ADAMTS17: variants seen among roughly 807,000 people sequenced by gnomAD.
ADAMTS17 encodes A disintegrin and metalloproteinase with thrombospondin motifs 17.
ADAMTS17 carries 113 observed loss-of-function variants against 141.5 expected under a neutral mutation model. The ratio of observed to expected loss-of-function variants is 0.80; its 90% CI spans 0.69 to 0.93. The LOEUF is 0.93. Ranked by LOEUF, ADAMTS17 falls within the 40% of genes least tolerant of loss-of-function variation. The pLI is 0.00. For synonymous variants in ADAMTS17, 768 were observed against 630.6 expected, an observed-to-expected ratio of 1.22 and a Z score of -3.27; for missense variants, 1,659 against 1,517.9, an observed-to-expected ratio of 1.09 and a Z score of -1.54.
chr15:100,269,841 C>T (rs2043843572), intron 4 of ADAMTS17, among the ~76,000 whole-genome samples: 1 of 152,174 alleles, frequency 6.6e-6, no homozygotes, highest in African/African-American at 2.4e-5. Context: ...GAGACTCGGT[C>T]TTCATTTTGA....
intron 4 of ADAMTS17, among the ~76,000 whole-genome samples, chr15:100,268,666 T>G (rs946786895): frequency 4.6e-5 from 7 of 152,220 alleles, no homozygotes; most frequent in African/African-American, 1.7e-4. Context: ...AAATTCCTTA[T>G]AGATTCTGGA....
intron 16 of ADAMTS17, among the ~76,000 whole-genome samples, chr15:100,052,510 C>G (rs1004721422): frequency 6.6e-6 from 1 of 152,218 alleles, no homozygotes; most frequent in African/African-American, 2.4e-5. Context: ...CTGGGGACTT[C>G]ACTTTAACGG....
chr15:100,286,232 A>G (rs185161554), intron 3 of ADAMTS17, among the ~76,000 whole-genome samples: 119 of 152,310 alleles, frequency 7.8e-4, no homozygotes, highest in African/African-American at 2.6e-3. Context: ...CAAAACGTGA[A>G]TGTGCATGTG....
intron 18 of ADAMTS17, among the ~76,000 whole-genome samples, chr15:100,020,138 G>C (rs967219968): frequency 1.3e-5 from 2 of 152,202 alleles, no homozygotes; most frequent in African/African-American, 2.4e-5. Flanking sequence ...ATTAACACCA[G>C]TGGGAGGCCC....
intron 18 of ADAMTS17, among the ~76,000 whole-genome samples, chr15:100,037,849 A>C (rs1406843820): frequency 6.6e-6 from 1 of 152,038 alleles, no homozygotes. Flanking sequence ...ATCTCAATCT[A>C]GATTCACTGC....
At chr15:100,294,967 CT>C (rs756512695) in intron 3 of ADAMTS17, among the ~76,000 whole-genome samples, 2 of 152,196 alleles carry the variant, frequency 1.3e-5, no homozygotes, top group Non-Finnish European at 2.9e-5. Flanking sequence ...AACAACTGGG[CT>C]TTCTGTGTAT....
chr15:100,132,046 G>C lies in ADAMTS17; in HGVS notation c.1682C>G (p.Thr561Arg), dbSNP rs140998386. Residue 561 changes from threonine to arginine, a missense_variant, in exon 12 of 22, where the codon ACG becomes AGG. Physicochemically the swap from Thr to Arg is moderately conservative, Grantham distance 71. Transcript: ENST00000268070. ...AWSMCSRTCG[T>R]GARFRQRKCD... ...TTTCCTCTGCCTGAAGCGGGCTCCC[G>C]TCCCACATGTTCGGCTGCACATGCT... is the stretch of plus-strand genomic sequence containing the variant. 5.6e-6 allele frequency: 9 copies of C among 1,613,816 alleles called. No homozygotes were observed. The highest frequency in any genetic ancestry group is 7.6e-6 in the Non-Finnish European group (9 of 1,179,826).
intron 7 of ADAMTS17, among the ~76,000 whole-genome samples, chr15:100,235,819 C>CA (rs1448645776): frequency 6.6e-6 from 1 of 152,200 alleles, no homozygotes; most frequent in Non-Finnish European, 1.5e-5. Flanking sequence ...CCCTTTACCT[C>CA]ATTCTATTAC....
intron 12 of ADAMTS17, among the ~76,000 whole-genome samples, chr15:100,118,228 T>C (rs2037262572): frequency 6.6e-6 from 1 of 152,216 alleles, no homozygotes; most frequent in African/African-American, 2.4e-5. Flanking sequence ...AGATAACATG[T>C]AAAAGAACAG....
chr15:99,974,722 T>TG (rs2060285579), intron 21 of ADAMTS17, among the ~76,000 whole-genome samples, 160 bp from the exon 22 acceptor site: 1 of 152,230 alleles, frequency 6.6e-6, no homozygotes, highest in Non-Finnish European at 1.5e-5. Flanking sequence ...GCCAGGGCAC[T>TG]GGGGGTGCCA....
chr15:100,269,302 T>C (rs4965300), intron 4 of ADAMTS17, among the ~76,000 whole-genome samples: 101,719 of 152,056 alleles, frequency 0.67, 34,491 homozygotes, highest in East Asian at 0.91. Flanking sequence ...AAAGAGCTTC[T>C]GTACAGCAAA....
chr15:100,153,302 C>G (rs576465228), intron 9 of ADAMTS17, among the ~76,000 whole-genome samples: 1 of 152,128 alleles, frequency 6.6e-6, no homozygotes, highest in Admixed American at 6.5e-5. Context: ...AGGATTTCAA[C>G]TGGGGTGGGA....
intron 10 of ADAMTS17, among the ~76,000 whole-genome samples, chr15:100,148,853 A>C (rs543503672): frequency 6.6e-6 from 1 of 151,910 alleles, no homozygotes; most frequent in East Asian, 1.9e-4. Flanking sequence ...AACTCAAAAA[A>C]GGTGACGGAA....
At chr15:100,122,392 T>C (rs2037495628) in intron 12 of ADAMTS17, among the ~76,000 whole-genome samples, 1 of 152,194 alleles carries the variant, frequency 6.6e-6, no homozygotes, top group South Asian at 2.1e-4. Context: ...ATTTGCTACC[T>C]AAATAATCCC....
At chr15:100,063,497 G>A (rs2033277383) in intron 15 of ADAMTS17, 1 of 388,360 alleles carries the variant, frequency 2.6e-6, no homozygotes, top group Non-Finnish European at 5.1e-6. Flanking sequence ...CACCATGGGG[G>A]TGGCTGCATG....
At chr15:100,260,612 C>G (rs1307363277) in intron 6 of ADAMTS17, among the ~76,000 whole-genome samples, 3 of 75,450 alleles carry the variant, frequency 4.0e-5, no homozygotes, top group African/African-American at 1.5e-4. Context: ...GAGACTCCAT[C>G]TCAAAAAAAA....
intron 3 of ADAMTS17, among the ~76,000 whole-genome samples, chr15:100,301,961 T>C (rs1235583485): frequency 6.6e-6 from 1 of 152,240 alleles, no homozygotes; most frequent in Non-Finnish European, 1.5e-5. Context: ...CCATTTAGCA[T>C]ATACAGTTGT....
At chr15:100,002,806 G>C (rs1292852735) in intron 18 of ADAMTS17, among the ~76,000 whole-genome samples, 1 of 152,026 alleles carries the variant, frequency 6.6e-6, no homozygotes, top group Non-Finnish European at 1.5e-5. Flanking sequence ...TCTTGTGCCA[G>C]AATGGAACAT....
At chr15:100,338,262 A>T (rs148822089) in intron 2 of ADAMTS17, among the ~76,000 whole-genome samples, 2 of 152,174 alleles carry the variant, frequency 1.3e-5, no homozygotes, top group African/African-American at 4.8e-5. Context: ...GCCCCTAAAC[A>T]GCTACGGAAT....
Sources: gnomAD v4.1 joint callset for allele counts (sites outside exome capture counted in the v4.1 genomes callset) on GRCh38, gnomAD v4.1.1 for gene constraint, MANE v1.5 for transcripts, NCBI Gene and HGNC (gene_info 2026-07-23, HGNC 2026-07-21) for gene names.